Variants in GRID1 observed in about 807,000 individuals in gnomAD.
The protein encoded by GRID1 is glutamate ionotropic receptor delta type subunit 1.
In GRID1, 28 loss-of-function variants were observed where a neutral mutation model predicts 98.0. The observed-to-expected ratio is 0.29, with a 90% CI of 0.21 to 0.39. The LOEUF is 0.39. Among genes scored for constraint, GRID1 ranks in the 10% least tolerant of loss-of-function variants. The pLI, the probability that GRID1 is intolerant of heterozygous loss-of-function variation, is 1.00. For synonymous variants in GRID1, 553 were observed against 538.5 expected (o/e 1.03, Z -0.37); for missense variants, 1,111 against 1,340.5 (o/e 0.83, Z 2.67).
chr10:86,344,040 C>A (rs1848347963), intron 2 of GRID1, among the ~76,000 whole-genome samples: 1 of 152,254 alleles, frequency 6.6e-6, no homozygotes, highest in Non-Finnish European at 1.5e-5. Flanking sequence ...CCCCTTGGCA[C>A]CACCCAGGAA....
At chr10:86,286,945 T>C (rs1847439850) in intron 2 of GRID1, among the ~76,000 whole-genome samples, 1 of 152,186 alleles carries the variant, frequency 6.6e-6, no homozygotes, top group African/African-American at 2.4e-5. Context: ...TGCAAGATCC[T>C]GGGCCACAGA....
intron 13 of GRID1, among the ~76,000 whole-genome samples, chr10:85,629,091 C>T (rs1286164873): frequency 6.6e-6 from 1 of 151,990 alleles, no homozygotes; most frequent in Non-Finnish European, 1.5e-5. Flanking sequence ...CAAATGATTG[C>T]CTGTCTCATC....
chr10:85,789,306 G>A lies in GRID1; in HGVS notation c.1234-59692C>T, dbSNP rs141491221. Among the ~76,000 whole-genome samples the A allele has an allele frequency of 6.1e-3, 932 of 152,280 alleles. 4 individuals are homozygous for A. Among genetic ancestry groups the A allele is most frequent in the Non-Finnish European group, 0.011 (735 of 68,020 alleles). On this transcript the variant is annotated intron_variant, in intron 8 of 15. Transcript: ENST00000327946. ...GACACTGCACAGAGTACCGCCATCC[G>A]TGTGCAGGCTGGTGCCCACCCAGAG...
intron 4 of GRID1, among the ~76,000 whole-genome samples, chr10:85,969,748 C>A (rs1387506844): frequency 6.6e-6 from 1 of 151,684 alleles, no homozygotes; most frequent in Non-Finnish European, 1.5e-5. Context: ...AGAAAGAAGG[C>A]CTCAAATCAG....
intron 14 of GRID1, among the ~76,000 whole-genome samples, chr10:85,614,193 T>A (rs1287057030): frequency 2.6e-5 from 4 of 152,206 alleles, no homozygotes; most frequent in African/African-American, 9.7e-5. Context: ...ATACAATCAC[T>A]GACCCTAAAA....
chr10:85,719,782 A>G (rs776019543), intron 12 of GRID1, among the ~76,000 whole-genome samples: 3 of 152,220 alleles, frequency 2.0e-5, no homozygotes, highest in Non-Finnish European at 2.9e-5. Flanking sequence ...CTCAAACTTC[A>G]TACAGAAATT....
chr10:86,120,614 G>C (rs969602729), intron 4 of GRID1, among the ~76,000 whole-genome samples: 4 of 152,092 alleles, frequency 2.6e-5, no homozygotes, highest in Admixed American at 6.5e-5. Flanking sequence ...TACAAATTCT[G>C]CTCTTCAGAA....
chr10:85,615,315 A>T (rs1590160096), intron 14 of GRID1, among the ~76,000 whole-genome samples: 1 of 152,310 alleles, frequency 6.6e-6, no homozygotes, highest in East Asian at 1.9e-4. Context: ...ACTTGCTCCT[A>T]CTAAAGATCA....
chr10:85,721,749 TC>T (rs1410991823), intron 12 of GRID1, among the ~76,000 whole-genome samples: 1 of 152,172 alleles, frequency 6.6e-6, no homozygotes, highest in Admixed American at 6.5e-5. Flanking sequence ...ACACAAAGGA[TC>T]CTTGTGGTGA....
chr10:85,726,603 C>A (rs1841762605), intron 10 of GRID1, among the ~76,000 whole-genome samples: 1 of 152,098 alleles, frequency 6.6e-6, no homozygotes, highest in Non-Finnish European at 1.5e-5. Flanking sequence ...ATCAGAAAGG[C>A]ACAGAAGCTG....
chr10:85,721,606 G>GCATTATTC (rs1469546032), intron 12 of GRID1, among the ~76,000 whole-genome samples: 2 of 152,094 alleles, frequency 1.3e-5, no homozygotes, highest in East Asian at 3.9e-4. Flanking sequence ...AAGCCAAAAG[G>GCATTATTC]CATTATTCCA....
At chr10:86,155,596 C>A (rs1419537362) in intron 3 of GRID1, among the ~76,000 whole-genome samples, 1 of 152,194 alleles carries the variant, frequency 6.6e-6, no homozygotes, top group Non-Finnish European at 1.5e-5. Flanking sequence ...AAGGGGAGAT[C>A]CAATTGTCTG....
chr10:85,696,475 G>A (rs1841395036), intron 12 of GRID1, among the ~76,000 whole-genome samples: 1 of 152,054 alleles, frequency 6.6e-6, no homozygotes, highest in African/African-American at 2.4e-5. Context: ...TATTCATGAT[G>A]TTCAAGGAGC....
At chr10:85,651,175 C>T (rs1317097949) in intron 12 of GRID1, among the ~76,000 whole-genome samples, 1 of 152,202 alleles carries the variant, frequency 6.6e-6, no homozygotes. Context: ...TCATACCCAA[C>T]TCACAGGGTT....
At chr10:85,750,512 A>G (rs117939010) in intron 8 of GRID1, among the ~76,000 whole-genome samples, 2,746 of 152,364 alleles carry the variant, frequency 0.018, 38 homozygotes, top group Non-Finnish European at 0.029. Context: ...AAGCATGGAA[A>G]TATGTCCAAT....
chr10:86,131,427 A>T (rs1046249594), intron 4 of GRID1, among the ~76,000 whole-genome samples: 6 of 152,222 alleles, frequency 3.9e-5, no homozygotes, highest in Non-Finnish European at 5.9e-5. Context: ...CTAATAAGCC[A>T]TAGATACTCT....
intron 8 of GRID1, among the ~76,000 whole-genome samples, chr10:85,765,334 T>TG (rs1203184251): frequency 6.6e-6 from 1 of 152,218 alleles, no homozygotes; most frequent in African/African-American, 2.4e-5. Context: ...CCTGTTGCTC[T>TG]GGCAATGCTG....
intron 4 of GRID1, among the ~76,000 whole-genome samples, chr10:86,026,112 T>C (rs1414075351): frequency 6.6e-6 from 1 of 152,224 alleles, no homozygotes; most frequent in East Asian, 1.9e-4. Context: ...TTGATGATAA[T>C]TCGCTCCAAC....
intron 2 of GRID1, among the ~76,000 whole-genome samples, chr10:86,286,389 A>G (rs2814361): frequency 0.79 from 120,446 of 152,002 alleles, 49,633 homozygotes; most frequent in Non-Finnish European, 0.91. Flanking sequence ...AGATGAGACC[A>G]TCTCCATGGC....
Sources: allele counts gnomAD v4.1 joint callset (sites outside exome capture counted in the v4.1 genomes callset), GRCh38; gene constraint gnomAD v4.1.1; transcripts MANE v1.5; gene names NCBI Gene and HGNC (gene_info 2026-07-23, HGNC 2026-07-21).